The following ANTXR1 variants were observed in gnomAD, a reference collection of about 807,000 sequenced individuals.
ANTXR1 encodes anthrax toxin receptor 1.
A neutral mutation model predicts 78.1 loss-of-function variants in ANTXR1; 19 were observed. The observed-to-expected ratio is 0.24, with a 90% confidence interval of 0.17 to 0.36. ANTXR1 has a LOEUF of 0.36. ANTXR1 is among the 10% of genes least tolerant of loss of function. The probability of loss-of-function intolerance (pLI) is 1.00; values close to 1 mark genes in which losing one functional copy is unlikely to be tolerated. For missense variants in ANTXR1, 518 were observed against 718.6 expected, an observed-to-expected ratio of 0.72 and a Z score of 3.19; for synonymous variants, 273 against 260.5, an observed-to-expected ratio of 1.05 and a Z score of -0.46.
chr2:69,222,463 C>T lies in ANTXR1; in HGVS notation c.1435-22762C>T, dbSNP rs72903144. Among the ~76,000 whole-genome samples, 1,466 of 152,266 alleles carry T rather than the reference C, an allele frequency of 9.6e-3. 24 individuals carry two copies. Among genetic ancestry groups the T allele is most frequent in the African/African-American group, 0.034 (1,393 of 41,550 alleles). ...CAGAACTATCATTGTCTCCATCTGC[C>T]CCCACAGCAAAGTTGTAGTTAGTCA... is the stretch of plus-strand genomic sequence containing the variant. On this transcript the variant is annotated intron_variant, in intron 17 of 17. Coordinates refer to ENST00000303714, the MANE Select transcript of ANTXR1 (RefSeq NM_032208.3).
intron 14 of ANTXR1, among the ~76,000 whole-genome samples, chr2:69,179,810 A>T (rs1674229143): frequency 6.6e-6 from 1 of 152,244 alleles, no homozygotes; most frequent in Non-Finnish European, 1.5e-5. Context: ...TTAAAGGATT[A>T]ATAATACATT....
At chr2:69,234,978 TATAAC>T (rs1675716097) in intron 17 of ANTXR1, among the ~76,000 whole-genome samples, 2 of 137,812 alleles carry the variant, frequency 1.5e-5, no homozygotes, top group African/African-American at 2.7e-5. Flanking sequence ...AAAGTGAAAC[TATAAC>T]ATAACTAAAA....
intron 8 of ANTXR1, among the ~76,000 whole-genome samples, chr2:69,082,534 A>G (rs1670929501): frequency 6.6e-6 from 1 of 152,140 alleles, no homozygotes; most frequent in African/African-American, 2.4e-5. Context: ...GAGCAAAAGT[A>G]TGAAGCAAAG....
At chr2:69,041,700 G>A (rs1191726786) in intron 2 of ANTXR1, among the ~76,000 whole-genome samples, 1 of 152,216 alleles carries the variant, frequency 6.6e-6, no homozygotes, top group Non-Finnish European at 1.5e-5. Context: ...AGTTCCCTCA[G>A]CAATCCCAGA....
intron 14 of ANTXR1, among the ~76,000 whole-genome samples, chr2:69,178,427 T>C (rs1339233583): frequency 6.6e-6 from 1 of 151,908 alleles, no homozygotes; most frequent in Non-Finnish European, 1.5e-5. Context: ...CGTGTGGAGA[T>C]TGCCCAAGCC....
intron 10 of ANTXR1, among the ~76,000 whole-genome samples, chr2:69,109,194 G>A (rs1402958131): frequency 6.6e-6 from 1 of 152,162 alleles, no homozygotes; most frequent in Non-Finnish European, 1.5e-5. Flanking sequence ...GCTTAAAATG[G>A]GGCCCGATGC....
At chr2:69,130,305 C>T (rs187804418) in intron 12 of ANTXR1, among the ~76,000 whole-genome samples, 4 of 139,342 alleles carry the variant, frequency 2.9e-5, no homozygotes, top group African/African-American at 1.2e-4. Flanking sequence ...AAATGAAGAC[C>T]CCTGTTTTTT....
chr2:69,117,650 A>G lies in ANTXR1; in HGVS notation c.803-5367A>G, dbSNP rs549117385. On this transcript the variant is annotated intron_variant, in intron 10 of 17. Coordinates refer to ENST00000303714, the MANE Select transcript of ANTXR1 (RefSeq NM_032208.3). ...TAATCCCTCTGATTTTAAACCATAC[A>G]TCCATGTAGTCTATTTTAAAGGTGT... 5.9e-5 allele frequency among the ~76,000 whole-genome samples: 9 copies of G among 152,306 alleles called. No homozygotes were observed. In the South Asian group the frequency reaches 1.9e-3, roughly 32 times the overall value.
chr2:69,225,912 A>G (rs1324742837), intron 17 of ANTXR1, among the ~76,000 whole-genome samples: 1 of 152,240 alleles, frequency 6.6e-6, no homozygotes, highest in Non-Finnish European at 1.5e-5. Context: ...GGGAATTGTG[A>G]TGGCCGGAAA....
chr2:69,215,756 C>A (rs1227174357), intron 17 of ANTXR1, among the ~76,000 whole-genome samples: 2 of 152,152 alleles, frequency 1.3e-5, no homozygotes, highest in Non-Finnish European at 2.9e-5. Context: ...TGAACCTGGG[C>A]AAAAGGCCAC....
chr2:69,172,849 G>A (rs183152951), intron 14 of ANTXR1, among the ~76,000 whole-genome samples: 1 of 152,318 alleles, frequency 6.6e-6, no homozygotes, highest in Admixed American at 6.5e-5. Context: ...TAGAAGCAAG[G>A]AAGCTCAGTT....
chr2:69,073,550 A>C (rs1391827234), intron 6 of ANTXR1, among the ~76,000 whole-genome samples: 1 of 152,238 alleles, frequency 6.6e-6, no homozygotes, highest in Non-Finnish European at 1.5e-5. Flanking sequence ...TCTAAGAACC[A>C]AAGTTAAACA....
At chr2:69,049,906 A>T (rs1035121790) in intron 3 of ANTXR1, among the ~76,000 whole-genome samples, 5 of 152,174 alleles carry the variant, frequency 3.3e-5, no homozygotes, top group African/African-American at 1.2e-4. Flanking sequence ...TTTATCTGAA[A>T]TAGTTGTTAT....
intron 13 of ANTXR1, among the ~76,000 whole-genome samples, chr2:69,168,300 A>AGTCCCTGT (rs1673885853): frequency 6.6e-6 from 1 of 152,208 alleles, no homozygotes; most frequent in African/African-American, 2.4e-5. Context: ...TGCTTAACAC[A>AGTCCCTGT]CATGATCGCT....
intron 8 of ANTXR1, among the ~76,000 whole-genome samples, chr2:69,086,056 A>G (rs1671038804): frequency 2.0e-5 from 3 of 152,252 alleles, no homozygotes; most frequent in Admixed American, 1.3e-4. Flanking sequence ...TGTGAAAGCA[A>G]AAGACACCTA....
At chr2:69,083,069 T>G (rs1242814767) in intron 8 of ANTXR1, among the ~76,000 whole-genome samples, 1 of 152,200 alleles carries the variant, frequency 6.6e-6, no homozygotes, top group Admixed American at 6.5e-5. Context: ...CCAGATCCTG[T>G]GCTGATTTGT....
intron 17 of ANTXR1, among the ~76,000 whole-genome samples, chr2:69,241,259 C>T (rs191783904): frequency 1.3e-4 from 20 of 152,176 alleles, no homozygotes; most frequent in Non-Finnish European, 1.9e-4. Context: ...GCCTACATGA[C>T]GGTGAGAACA....
At chr2:69,188,627 G>A (rs566467366) in intron 16 of ANTXR1, among the ~76,000 whole-genome samples, 4 of 152,262 alleles carry the variant, frequency 2.6e-5, no homozygotes, top group African/African-American at 9.6e-5. Context: ...ATAAATGTCA[G>A]CTAATACAAT....
chr2:69,181,727 A>C, intron 14 of ANTXR1, 59 bp from the exon 15 acceptor site: 1 of 1,498,060 alleles, frequency 6.7e-7, no homozygotes, highest in Non-Finnish European at 9.3e-7. Context: ...TGGCTGTAGT[A>C]GGCAGGTCCA....
Sources: allele counts gnomAD v4.1 joint callset (sites outside exome capture counted in the v4.1 genomes callset), GRCh38; gene constraint gnomAD v4.1.1; transcripts MANE v1.5; gene names NCBI Gene and HGNC (gene_info 2026-07-23, HGNC 2026-07-21).